KAT6B: variants seen among roughly 807,000 people sequenced by gnomAD.
KAT6B encodes histone acetyltransferase KAT6B.
KAT6B carries 10 observed loss-of-function variants against 187.5 expected under a neutral mutation model. That is an observed-to-expected ratio of 0.05 (90% CI 0.03 to 0.09). The LOEUF (loss-of-function observed/expected upper bound fraction) is 0.09. Among genes scored for constraint, KAT6B ranks in the 10% least tolerant of loss-of-function variants. The pLI is 1.00. For missense variants in KAT6B, 1,952 were observed against 2,558.9 expected (o/e 0.76, Z 5.12); for synonymous variants, 861 against 926.8 (o/e 0.93, Z 1.29).
At chr10:74,830,769 T>TGTATATATATATATATATATATA (rs58702000) in intron 1 of KAT6B, among the ~76,000 whole-genome samples, 1 of 7,738 alleles carries the variant, frequency 1.3e-4, no homozygotes, top group Non-Finnish European at 2.6e-4. Flanking sequence ...TATATATATA[T>TGTATATATATATATATATATATA]TTTTTTTTTT....
chr10:74,875,541 T>C (rs1374176856), intron 3 of KAT6B, among the ~76,000 whole-genome samples: 1 of 151,380 alleles, frequency 6.6e-6, no homozygotes, highest in Non-Finnish European at 1.5e-5. Context: ...CAGTGGCTCA[T>C]GGCAACCTCC....
chr10:74,939,096 T>A (rs1849474079), intron 3 of KAT6B, among the ~76,000 whole-genome samples: 1 of 151,064 alleles, frequency 6.6e-6, no homozygotes, highest in African/African-American at 2.4e-5. Context: ...CTTGTATTCA[T>A]GCTTTAGTTA....
At chr10:74,947,591 T>G (rs565473695) in intron 3 of KAT6B, among the ~76,000 whole-genome samples, 1 of 152,322 alleles carries the variant, frequency 6.6e-6, no homozygotes, top group South Asian at 2.1e-4. Context: ...TTCCAAGAGC[T>G]CACCATGTAC....
intron 3 of KAT6B, among the ~76,000 whole-genome samples, chr10:74,952,919 C>G (rs1292326850): frequency 7.1e-6 from 1 of 140,496 alleles, no homozygotes; most frequent in Non-Finnish European, 1.5e-5. Context: ...AGGCTGGTCT[C>G]GAACTCCTGA....
rs142902230 is a variant in KAT6B, at chr10:74,968,931, C to T, written c.731-729C>T. Among the ~76,000 whole-genome samples, 552 of 152,112 alleles carry T rather than the reference C, an allele frequency of 3.6e-3. 4 individuals are homozygous for T. The highest frequency in any genetic ancestry group is 0.012 in the African/African-American group (517 of 41,488). On this transcript the variant is annotated intron_variant, in intron 4 of 17. Coordinates refer to ENST00000287239, the MANE Select transcript of KAT6B (RefSeq NM_012330.4). Reference sequence around the variant, plus strand: ...GAGCAGTAAGACCTGGTGTGTGGAGCGCTGCTAGGTGAAAAGTGTGCCCCA... The same window carrying T: ...GAGCAGTAAGACCTGGTGTGTGGAGTGCTGCTAGGTGAAAAGTGTGCCCCA...
intron 11 of KAT6B, chr10:74,983,216 A>G (rs890807578): frequency 2.0e-5 from 3 of 152,260 alleles, no homozygotes; most frequent in African/African-American, 7.2e-5. Context: ...TGTAGGGGCT[A>G]TGCTATACAG....
intron 3 of KAT6B, among the ~76,000 whole-genome samples, chr10:74,938,539 GTA>G: frequency 6.6e-6 from 1 of 152,238 alleles, no homozygotes; most frequent in African/African-American, 2.4e-5. Flanking sequence ...TATTTTACCT[GTA>G]TAGATGGGTC....
At chr10:75,025,338 A>G in intron 17 of KAT6B, 89 bp downstream of exon 17, 1 of 1,378,252 alleles carries the variant, frequency 7.3e-7, no homozygotes, top group Non-Finnish European at 1.0e-6. Context: ...TGATGCCCAG[A>G]GGCACCTGCG....
chr10:75,020,999 C>G, intron 14 of KAT6B, 127 bp from the exon 15 acceptor site: 1 of 1,022,474 alleles, frequency 9.8e-7, no homozygotes, highest in Non-Finnish European at 1.5e-6. Context: ...GTTCTGTACC[C>G]TCTCATTGAG....
chr10:74,969,921 T>G (rs1158442371), intron 5 of KAT6B, 99 bp from the exon 6 acceptor site: 1 of 1,037,542 alleles, frequency 9.6e-7, no homozygotes, highest in African/African-American at 1.6e-5. Flanking sequence ...TTGGTGCACT[T>G]TCCTTATATT....
intron 4 of KAT6B, among the ~76,000 whole-genome samples, chr10:74,968,447 T>A (rs571476001): frequency 2.9e-3 from 449 of 152,266 alleles, no homozygotes; most frequent in African/African-American, 0.01. Flanking sequence ...TGATTTTGAA[T>A]GTTTTTACTT....
At chr10:74,909,357 C>G (rs374452755) in intron 3 of KAT6B, among the ~76,000 whole-genome samples, 86 of 152,312 alleles carry the variant, frequency 5.6e-4, no homozygotes, top group African/African-American at 1.9e-3. Context: ...GGAGACAGAG[C>G]AAGACAACAT....
intron 13 of KAT6B, among the ~76,000 whole-genome samples, chr10:75,016,002 G>C (rs773742436): frequency 6.6e-6 from 1 of 152,076 alleles, no homozygotes; most frequent in African/African-American, 2.4e-5. Context: ...ATTCTACTAT[G>C]GTCCATTTAC....
At chr10:74,919,637 A>G (rs968718403) in intron 3 of KAT6B, among the ~76,000 whole-genome samples, 1 of 152,138 alleles carries the variant, frequency 6.6e-6, no homozygotes, top group Non-Finnish European at 1.5e-5. Context: ...TCCTGATCTC[A>G]GGCGATCCGC....
chr10:75,022,319 A>G (rs367832735), intron 16 of KAT6B, 88 bp downstream of exon 16: 17 of 1,448,926 alleles, frequency 1.2e-5, no homozygotes, highest in East Asian at 1.1e-4. Context: ...TATTTGTTTC[A>G]CTCTCTGTTC....
At chr10:74,972,715 C>G in intron 7 of KAT6B, 76 bp downstream of exon 7, 1 of 1,348,768 alleles carries the variant, frequency 7.4e-7, no homozygotes. Context: ...CTCTCAGATT[C>G]CTTTAGGGGT....
intron 3 of KAT6B, among the ~76,000 whole-genome samples, chr10:74,888,101 C>T (rs1036108805): frequency 5.3e-5 from 8 of 152,320 alleles, no homozygotes; most frequent in African/African-American, 1.7e-4. Context: ...TGGAAATTCT[C>T]CAATGTGTGG....
rs1371807413 is a variant in KAT6B, at chr10:74,843,310, G to C, written c.453G>C (p.Arg151=). 13 of 1,613,676 alleles carry C rather than the reference G, an allele frequency of 8.1e-6. No homozygotes were observed. Among genetic ancestry groups the C allele is most frequent in the Non-Finnish European group, 1.1e-5 (13 of 1,179,816 alleles). Residue 151 remains arginine, a synonymous_variant, in exon 3 of 18, where the codon CGG becomes CGC. Coordinates refer to ENST00000287239, the MANE Select transcript of KAT6B (RefSeq NM_012330.4). ...CCAACAACCCAGCCTTTCAGCAGCG[G>C]CTGCGACTGGGGGCCAAACGCGCTG... ...STTNNPAFQQ[R]LRLGAKRAVN... is the part of the protein sequence containing the mutation.
chr10:74,887,095 C>T (rs1009351266), intron 3 of KAT6B, among the ~76,000 whole-genome samples: 8 of 152,168 alleles, frequency 5.3e-5, no homozygotes, highest in Admixed American at 4.6e-4. Context: ...GCAGGGACTA[C>T]ACCTTGGCAT....
Sources: allele counts gnomAD v4.1 joint callset (sites outside exome capture counted in the v4.1 genomes callset), GRCh38; gene constraint gnomAD v4.1.1; transcripts MANE v1.5; gene names NCBI Gene and HGNC (gene_info 2026-07-23, HGNC 2026-07-21).